NAALADL2: variants seen among roughly 807,000 people sequenced by gnomAD.
The protein encoded by NAALADL2 is N-acetylated alpha-linked acidic dipeptidase like 2.
In NAALADL2, 76 loss-of-function variants were observed where a neutral mutation model predicts 87.2. The observed-to-expected ratio is 0.87, with a 90% confidence interval of 0.72 to 1.05. NAALADL2 has a LOEUF of 1.05. Ranked by LOEUF, NAALADL2 falls within the 50% of genes least tolerant of loss-of-function variation. The probability of loss-of-function intolerance (pLI) is 0.00; values close to 1 mark genes in which losing one functional copy is unlikely to be tolerated. For synonymous variants in NAALADL2, 354 were observed against 331.0 expected, an observed-to-expected ratio of 1.07 and a Z score of -0.75; for missense variants, 1,089 against 945.8, an observed-to-expected ratio of 1.15 and a Z score of -1.99.
chr3:174,709,064 C>T (rs2108907532), intron 2 of NAALADL2, among the ~76,000 whole-genome samples: 1 of 152,180 alleles, frequency 6.6e-6, no homozygotes, highest in Middle Eastern at 3.4e-3. Flanking sequence ...ATAGGTACAA[C>T]ATCATATGGT....
intron 3 of NAALADL2, among the ~76,000 whole-genome samples, chr3:174,808,022 G>A (rs1719710934): frequency 6.6e-6 from 1 of 151,922 alleles, no homozygotes; most frequent in African/African-American, 2.4e-5. Context: ...TTTTGAATTT[G>A]TATATTGGTA....
intron 1 of NAALADL2, among the ~76,000 whole-genome samples, chr3:174,911,795 C>T (rs938092120): frequency 3.9e-5 from 6 of 152,114 alleles, no homozygotes; most frequent in Admixed American, 1.3e-4. Flanking sequence ...CACATGCCAA[C>T]ATCTGACAAG....
chr3:174,818,597 T>C (rs1348016548), intron 3 of NAALADL2, among the ~76,000 whole-genome samples: 1 of 152,214 alleles, frequency 6.6e-6, no homozygotes, highest in African/African-American at 2.4e-5. Context: ...TCTTATTTTC[T>C]CCTTCCTCTA....
intron 10 of NAALADL2, among the ~76,000 whole-genome samples, chr3:175,599,741 A>G (rs543134773): frequency 6.6e-6 from 1 of 152,300 alleles, no homozygotes; most frequent in South Asian, 2.1e-4. Flanking sequence ...ACAGATTTCT[A>G]CAGTAGTTGA....
intron 1 of NAALADL2, among the ~76,000 whole-genome samples, chr3:174,930,842 T>C (rs1056041042): frequency 2.6e-5 from 4 of 151,882 alleles, no homozygotes; most frequent in Non-Finnish European, 4.4e-5. Flanking sequence ...CGGGATGGTC[T>C]CCTTCTTCTG....
At chr3:174,787,968 A>C (rs892279728) in intron 3 of NAALADL2, among the ~76,000 whole-genome samples, 2 of 152,062 alleles carry the variant, frequency 1.3e-5, no homozygotes, top group Non-Finnish European at 2.9e-5. Flanking sequence ...GCAGTTCAGC[A>C]TCACCGTTAG....
intron 2 of NAALADL2, among the ~76,000 whole-genome samples, chr3:175,179,292 C>T (rs1387056010): frequency 6.6e-6 from 1 of 151,840 alleles, no homozygotes; most frequent in East Asian, 1.9e-4. Context: ...ATAAGAGTCA[C>T]TAAATAAATA....
chr3:175,643,843 A>C (rs1305266603), intron 11 of NAALADL2, among the ~76,000 whole-genome samples: 1 of 152,196 alleles, frequency 6.6e-6, no homozygotes, highest in African/African-American at 2.4e-5. Context: ...GAATAGTTAC[A>C]TACACAGGCG....
intron 2 of NAALADL2, among the ~76,000 whole-genome samples, chr3:175,195,252 T>G (rs886147408): frequency 1.3e-4 from 20 of 151,670 alleles, no homozygotes; most frequent in African/African-American, 4.8e-4. Context: ...TTGCTCGGAG[T>G]GCTAGGGGAA....
At chr3:175,258,354 A>G (rs1227826746) in intron 4 of NAALADL2, among the ~76,000 whole-genome samples, 1 of 151,248 alleles carries the variant, frequency 6.6e-6, no homozygotes, top group Non-Finnish European at 1.5e-5. Context: ...GAAAGAAACA[A>G]TCAGGCTTTC....
At chr3:174,835,216 A>C (rs1723188758) in intron 3 of NAALADL2, among the ~76,000 whole-genome samples, 1 of 152,102 alleles carries the variant, frequency 6.6e-6, no homozygotes, top group Non-Finnish European at 1.5e-5. Context: ...TTGGATATCC[A>C]CATGGAAAGA....
chr3:175,015,765 G>T (rs1214778290), intron 1 of NAALADL2, among the ~76,000 whole-genome samples: 1 of 151,930 alleles, frequency 6.6e-6, no homozygotes, highest in African/African-American at 2.4e-5. Context: ...TTGAAGAAAA[G>T]CTTGTTCATG....
chr3:174,896,818 A>C (rs1731592842), intron 1 of NAALADL2, among the ~76,000 whole-genome samples: 1 of 152,178 alleles, frequency 6.6e-6, no homozygotes, highest in African/African-American at 2.4e-5. Flanking sequence ...AATTGGCATA[A>C]AAACAGACAC....
chr3:175,253,046 A>G (rs1302943377), intron 3 of NAALADL2, among the ~76,000 whole-genome samples: 1 of 152,230 alleles, frequency 6.6e-6, no homozygotes, highest in Non-Finnish European at 1.5e-5. Context: ...AGTTATCTGT[A>G]AGACCTAGTT....
chr3:175,210,364 G>C (rs1741591476), intron 2 of NAALADL2, among the ~76,000 whole-genome samples: 1 of 151,752 alleles, frequency 6.6e-6, no homozygotes, highest in Non-Finnish European at 1.5e-5. Context: ...CAAGAGATAA[G>C]ATTAAGTATA....
intron 5 of NAALADL2, among the ~76,000 whole-genome samples, chr3:175,392,276 C>G (rs540648316): frequency 6.6e-6 from 1 of 152,256 alleles, no homozygotes; most frequent in East Asian, 1.9e-4. Flanking sequence ...ATGAACACTA[C>G]TTAGAAACGT....
chr3:175,706,885 T>C (rs1227171307), intron 11 of NAALADL2, among the ~76,000 whole-genome samples: 2 of 152,114 alleles, frequency 1.3e-5, no homozygotes, highest in African/African-American at 4.8e-5. Flanking sequence ...AGGGCACTCA[T>C]AATAATGATC....
At chr3:174,964,000 C>T (rs1383303459) in intron 1 of NAALADL2, among the ~76,000 whole-genome samples, 2 of 150,876 alleles carry the variant, frequency 1.3e-5, no homozygotes, top group African/African-American at 4.9e-5. Context: ...TAATTTATTT[C>T]TCCATACTTT....
chr3:175,700,381 A>G (rs1738823936), intron 11 of NAALADL2, among the ~76,000 whole-genome samples: 1 of 152,152 alleles, frequency 6.6e-6, no homozygotes, highest in Non-Finnish European at 1.5e-5. Context: ...AAAACCTTAT[A>G]TATTCAGAGA....
Sources: allele counts gnomAD v4.1 joint callset (sites outside exome capture counted in the v4.1 genomes callset), GRCh38; gene constraint gnomAD v4.1.1; transcripts MANE v1.5; gene names NCBI Gene and HGNC (gene_info 2026-07-23, HGNC 2026-07-21).